The following SLCO1B3 variants were observed in gnomAD, a reference collection of about 807,000 sequenced individuals.
SLCO1B3 encodes the protein liver-specific organic anion transporter 2.
SLCO1B3 carries 72 observed loss-of-function variants against 71.8 expected under a neutral mutation model. That is an observed-to-expected ratio of 1.00 (90% CI 0.83 to 1.22). The LOEUF (loss-of-function observed/expected upper bound fraction) is 1.22, where lower values mean the gene tolerates loss of function less well. SLCO1B3 is among the 50% of genes most tolerant of loss of function. The probability of loss-of-function intolerance (pLI) is 0.00; values close to 1 mark genes in which losing one functional copy is unlikely to be tolerated. For missense variants in SLCO1B3, 911 were observed against 819.7 expected, an observed-to-expected ratio of 1.11 and a Z score of -1.36; for synonymous variants, 298 against 278.4, an observed-to-expected ratio of 1.07 and a Z score of -0.70.
chr12:20,862,883 A>C lies in SLCO1B3; in HGVS notation c.727+29A>C, dbSNP rs374647058. Reference sequence around the variant, plus strand: ...AGTACAATTAGAACAAGGTACCATGATAGTGTCTTTTAAGTGCAGGACACC... The same window carrying C: ...AGTACAATTAGAACAAGGTACCATGCTAGTGTCTTTTAAGTGCAGGACACC... On this transcript the variant is annotated intron_variant, in intron 8 of 15. Coordinates refer to ENST00000381545, the MANE Select transcript of SLCO1B3 (RefSeq NM_019844.4). The C allele has an allele frequency of 4.7e-6, 6 of 1,266,980 alleles. No homozygotes were observed. In the Admixed American group the frequency reaches 8.8e-5, roughly 19 times the overall value. 78.5% of individuals were successfully genotyped at this position (1,266,980 alleles called of 1,614,324 possible). A position where few individuals can be genotyped will look rare whatever the true frequency, so the allele number is the denominator to read the frequency against.
intron 8 of SLCO1B3, among the ~76,000 whole-genome samples, chr12:20,865,318 A>C (rs1204084872): frequency 6.6e-6 from 1 of 152,164 alleles, no homozygotes; most frequent in Non-Finnish European, 1.5e-5. Context: ...TTAAAACCAG[A>C]TCAGTCCATA....
chr12:20,904,749 TC>T (rs1317981604), intron 15 of SLCO1B3, among the ~76,000 whole-genome samples: 1 of 127,272 alleles, frequency 7.9e-6, no homozygotes, highest in Non-Finnish European at 1.6e-5. Context: ...TGCCTGGACA[TC>T]CAGGCTTTTT....
At chr12:20,892,615 T>C (rs1195342098) in intron 13 of SLCO1B3, among the ~76,000 whole-genome samples, 2 of 152,126 alleles carry the variant, frequency 1.3e-5, no homozygotes, top group Non-Finnish European at 2.9e-5. Context: ...GTACCTGTAG[T>C]GATGAAGAAT....
At chr12:20,859,953 CTT>C (rs768328762) in intron 5 of SLCO1B3, among the ~76,000 whole-genome samples, 9 of 118,000 alleles carry the variant, frequency 7.6e-5, no homozygotes, top group Non-Finnish European at 1.4e-4. Context: ...CTGATCATTT[CTT>C]TTTTTTTTTT....
chr12:20,903,607 G>A (rs1156254914), intron 15 of SLCO1B3, among the ~76,000 whole-genome samples: 2 of 152,094 alleles, frequency 1.3e-5, no homozygotes, highest in African/African-American at 4.8e-5. Context: ...AAAGGGGGAA[G>A]TGCCACACAC....
chr12:20,841,947 C>A lies in SLCO1B3; in HGVS notation c.85-13081C>A, dbSNP rs1864813457. 2.0e-5 allele frequency among the ~76,000 whole-genome samples: 3 copies of A among 149,094 alleles called. No homozygotes were observed. In the Admixed American group the frequency reaches 2.0e-4, roughly 10 times the overall value. Reference sequence around the variant, plus strand: ...TCACCCAGGCTAGAGTGCAGTGGAGCAATCTCGGCTCACTGCAGCCTCTGT... The same window carrying A: ...TCACCCAGGCTAGAGTGCAGTGGAGAAATCTCGGCTCACTGCAGCCTCTGT... On this transcript the variant is annotated intron_variant, in intron 3 of 15. Transcript: ENST00000381545.
intron 15 of SLCO1B3, among the ~76,000 whole-genome samples, chr12:20,906,537 G>A (rs1179074724): frequency 1.3e-5 from 2 of 152,078 alleles, no homozygotes; most frequent in Admixed American, 6.5e-5. Flanking sequence ...TTTAACAAAT[G>A]TGCTATACTA....
At chr12:20,860,609 G>GTGTT (rs1468852975) in intron 5 of SLCO1B3, among the ~76,000 whole-genome samples, 1 of 150,922 alleles carries the variant, frequency 6.6e-6, no homozygotes, top group Non-Finnish European at 1.5e-5. Context: ...TTGTGTGTGT[G>GTGTT]TGTGTGTGTG....
chr12:20,916,019 C>T lies in SLCO1B3; in HGVS notation c.1881C>T (p.Gly627=), dbSNP rs267603413. 8.1e-6 allele frequency: 13 copies of T among 1,605,596 alleles called. No homozygotes were observed. The highest frequency in any genetic ancestry group is 1.1e-5 in the Non-Finnish European group (13 of 1,173,578). ...CTTTTCACAGAAGGGTCTACTTGGG[C>T]TTATCTATAGCTTTAAGATTCCCAG... ...NSVFFGRVYL[G]LSIALRFPAL... is the part of the protein sequence containing the mutation. The change falls in exon 16 of 16, where the codon GGC becomes GGT. Residue 627 remains glycine, a synonymous_variant. Transcript: ENST00000381545.
intron 3 of SLCO1B3, among the ~76,000 whole-genome samples, chr12:20,850,354 A>G (rs1865000872): frequency 6.6e-6 from 1 of 151,258 alleles, no homozygotes; most frequent in African/African-American, 2.4e-5. Context: ...TTCTCGGCTC[A>G]CTGCAAGCTC....
intron 9 of SLCO1B3, 42 bp downstream of exon 9, chr12:20,875,519 T>C (rs543399361): frequency 6.4e-7 from 1 of 1,568,860 alleles, no homozygotes; most frequent in East Asian, 2.2e-5. Flanking sequence ...ATTGTTAATC[T>C]CAATGAAACG....
intron 8 of SLCO1B3, among the ~76,000 whole-genome samples, chr12:20,874,754 T>G (rs1865544530): frequency 6.6e-6 from 1 of 152,200 alleles, no homozygotes; most frequent in African/African-American, 2.4e-5. Flanking sequence ...AAATGCAGGT[T>G]CCTGGGTAGT....
Position 20,813,590 on chromosome 12 carries a change from C to G in SLCO1B3, c.-114C>G, listed in dbSNP as rs772037746. The G allele has an allele frequency of 3.3e-5, 5 of 152,128 alleles. No homozygotes were observed. Among genetic ancestry groups the G allele is most frequent in the African/African-American group, 9.7e-5 (4 of 41,444 alleles). 9.4% of individuals were successfully genotyped at this position (152,128 alleles called of 1,614,324 possible). On this transcript the variant is annotated 5_prime_UTR_variant, in exon 2 of 16. Coordinates refer to ENST00000381545, the MANE Select transcript of SLCO1B3 (RefSeq NM_019844.4). ...CAAGCATAGCCCTGAAGTGTTGTCC[C>G]GTTGTTCCCACCTCCTAGAGGGCCT...
intron 3 of SLCO1B3, among the ~76,000 whole-genome samples, chr12:20,824,130 A>AG (rs1864374456): frequency 2.0e-5 from 3 of 152,358 alleles, no homozygotes; most frequent in African/African-American, 7.2e-5. Flanking sequence ...GCTCATAAGA[A>AG]CAAATTTTAG....
At chr12:20,846,169 A>G (rs769677951) in intron 3 of SLCO1B3, among the ~76,000 whole-genome samples, 1 of 152,022 alleles carries the variant, frequency 6.6e-6, no homozygotes, top group Non-Finnish European at 1.5e-5. Context: ...ATTTACTATG[A>G]CATTGTTTTC....
intron 3 of SLCO1B3, among the ~76,000 whole-genome samples, chr12:20,837,746 G>A (rs1020415621): frequency 6.6e-6 from 1 of 152,082 alleles, no homozygotes; most frequent in Non-Finnish European, 1.5e-5. Context: ...GTCTTTCTTG[G>A]TGAATGTTCC....
chr12:20,895,035 C>T (rs1221768846), intron 13 of SLCO1B3, among the ~76,000 whole-genome samples: 1 of 152,140 alleles, frequency 6.6e-6, no homozygotes, highest in Non-Finnish European at 1.5e-5. Flanking sequence ...GCAATCAAAC[C>T]TCATGAGACT....
chr12:20,813,364 T>G (rs1388132394), intron 1 of SLCO1B3, among the ~76,000 whole-genome samples, 160 bp from the exon 2 acceptor site: 4 of 152,224 alleles, frequency 2.6e-5, no homozygotes, highest in African/African-American at 9.6e-5. Context: ...AAATTAATAC[T>G]GCTGGGCTTT....
At chr12:20,856,875 T>C (rs1865150636) in intron 4 of SLCO1B3, among the ~76,000 whole-genome samples, 1 of 152,160 alleles carries the variant, frequency 6.6e-6, no homozygotes, top group Non-Finnish European at 1.5e-5. Flanking sequence ...TACACCTTTT[T>C]ACCTAAAGGA....
Sources: allele counts gnomAD v4.1 joint callset (sites outside exome capture counted in the v4.1 genomes callset), GRCh38; gene constraint gnomAD v4.1.1; transcripts MANE v1.5; gene names NCBI Gene and HGNC (gene_info 2026-07-23, HGNC 2026-07-21).